ZNF91: variants seen among roughly 807,000 people sequenced by gnomAD.
ZNF91 encodes the protein zinc finger protein 91 (HPF7, HTF10).
Under a neutral mutation model 12.6 loss-of-function variants are expected in ZNF91, and 7 were observed. The ratio of observed to expected loss-of-function variants is 0.55; its 90% CI spans 0.31 to 1.04. The LOEUF is 1.04. ZNF91 is among the 50% of genes least tolerant of loss of function. ZNF91 has a pLI of 0.05. For missense variants in ZNF91, 1,217 were observed against 1,385.4 expected (o/e 0.88, Z 1.93); for synonymous variants, 453 against 462.6 (o/e 0.98, Z 0.27).
chr19:23,343,778 CTCGAGTGTTTT>C (rs1227250524), intron 3 of ZNF91, among the ~76,000 whole-genome samples: 1 of 152,192 alleles, frequency 6.6e-6, no homozygotes, highest in South Asian at 2.1e-4. Flanking sequence ...CCCACAATTC[CTCGAGTGTTTT>C]TCCAGCAACC....
At chr19:23,372,534 C>A (rs1199930823) in intron 3 of ZNF91, among the ~76,000 whole-genome samples, 3 of 151,888 alleles carry the variant, frequency 2.0e-5, no homozygotes, top group African/African-American at 4.8e-5. Context: ...CTCATTCAGG[C>A]AGCAAACTAC....
At chr19:23,366,003 A>G (rs1968992549) in intron 3 of ZNF91, among the ~76,000 whole-genome samples, 1 of 152,198 alleles carries the variant, frequency 6.6e-6, no homozygotes, top group Non-Finnish European at 1.5e-5. Context: ...CGATTTCTCA[A>G]TCTTTTCCCC....
chr19:23,323,226 CTCCT>C (rs1314578644), intron 1 of ZNF91, among the ~76,000 whole-genome samples: 2 of 147,212 alleles, frequency 1.4e-5, no homozygotes, highest in African/African-American at 2.5e-5. Flanking sequence ...TTTCCTTTCT[CTCCT>C]TCTTCTCCTC....
At chr19:23,330,510 T>C (rs919673819) in intron 1 of ZNF91, among the ~76,000 whole-genome samples, 1 of 152,302 alleles carries the variant, frequency 6.6e-6, no homozygotes, top group South Asian at 2.1e-4. Context: ...TCCTGACAGA[T>C]GTAACCTGAA....
At chr19:23,392,466 C>T (rs1327335984) in intron 1 of ZNF91, among the ~76,000 whole-genome samples, 1 of 150,322 alleles carries the variant, frequency 6.7e-6, no homozygotes, top group Non-Finnish European at 1.5e-5. Context: ...AGTTTCATCA[C>T]ATAAAATTTA....
chr19:23,360,532 T>C lies in ZNF91; in HGVS notation c.2447A>G (p.His816Arg). 2.5e-6 allele frequency: 4 copies of C among 1,614,026 alleles called. No homozygotes were observed. The highest frequency in any genetic ancestry group is 3.4e-6 in the Non-Finnish European group (4 of 1,179,978). Residue 816 changes from histidine (H) to arginine (R), a missense_variant, in exon 4 of 4, where the codon CAT becomes CGT. Coordinates refer to ENST00000300619, the MANE Select transcript of ZNF91 (RefSeq NM_003430.4). ...AFSRSSTLTKHKTIHTGEKPY... is the reference protein window; with the variant it reads ...AFSRSSTLTKRKTIHTGEKPY... The stretch of plus-strand genomic sequence containing the variant: ...TTTCTCTCCAGTATGAATTGTCTTA[T>C]GCTTAGTAAGGGTTGAGGAACGGCT...
At position 23,361,226 on chromosome 19, in the gene ZNF91, G is replaced by T. The variant is rs748344798; in HGVS notation, c.1753C>A (p.His585Asn). The T allele has an allele frequency of 1.1e-5, 17 of 1,612,848 alleles. No homozygotes were observed. In the East Asian group the frequency reaches 3.6e-4, roughly 34 times the overall value. The change falls in exon 4 of 4, where the codon CAT (histidine) becomes AAT (asparagine). Residue 585 changes from histidine to asparagine, a missense_variant. His to Asn is a moderately conservative substitution (Grantham distance 68). Coordinates refer to ENST00000300619, the MANE Select transcript of ZNF91 (RefSeq NM_003430.4). ...TTATGTGTAGAAAGACTTGAGGAAT[G>T]ATTAAAAGCTTTGCCACATTCTTCA... ...KCEECGKAFN[H>N]SSSLSTHKII... is the part of the protein sequence containing the mutation.
intron 1 of ZNF91, among the ~76,000 whole-genome samples, chr19:23,389,200 T>C (rs1015964583): frequency 3.9e-5 from 6 of 151,914 alleles, no homozygotes; most frequent in Non-Finnish European, 7.4e-5. Context: ...ACACTCCAGG[T>C]AGAAAGACTG....
intron 1 of ZNF91, chr19:23,380,445 G>A (rs1202073951): frequency 6.6e-6 from 1 of 152,034 alleles, no homozygotes; most frequent in Non-Finnish European, 1.5e-5. Context: ...TGGGTTTCCA[G>A]CATGCATCCA....
chr19:23,376,408 C>T (rs578010879), intron 1 of ZNF91, among the ~76,000 whole-genome samples: 6 of 148,338 alleles, frequency 4.0e-5, no homozygotes, highest in African/African-American at 1.2e-4. Context: ...TTTTTTGAGA[C>T]GGAGTTTTGC....
chr19:23,314,344 T>G (rs1427433183), upstream of ZNF91, among the ~76,000 whole-genome samples: 6 of 152,314 alleles, frequency 3.9e-5, no homozygotes, highest in East Asian at 1.2e-3. Flanking sequence ...ACTCTTCTTT[T>G]CTTCCTGGGC....
Position 23,360,114 on chromosome 19 carries a change from T to G in ZNF91, c.2865A>C (p.Thr955=). ...TCTCTCCAGTATGAATTATCTTATG[T>G]GTAGTAAGGGTTGAGGATTGGCTAA... ...KAFSQSSTLT[T]HKIIHTGEKP... The change falls in exon 4 of 4, where the codon ACA becomes ACC. Residue 955 remains threonine, a synonymous_variant. Transcript: ENST00000300619. 1 of 1,613,420 alleles carries G rather than the reference T, an allele frequency of 6.2e-7. No individual in the cohort carries two copies. The highest frequency in any genetic ancestry group is 8.5e-7 in the Non-Finnish European group (1 of 1,179,914).
At chr19:23,326,346 G>A (rs1967837148) in intron 1 of ZNF91, 1 of 152,108 alleles carries the variant, frequency 6.6e-6, no homozygotes, top group Non-Finnish European at 1.5e-5. Context: ...ACTTGTTTGA[G>A]AGGTGGAGTC....
intron 1 of ZNF91, among the ~76,000 whole-genome samples, chr19:23,383,077 C>CT (rs1969772562): frequency 6.6e-6 from 1 of 152,160 alleles, no homozygotes; most frequent in Non-Finnish European, 1.5e-5. Flanking sequence ...TCTTTGAACA[C>CT]TGATACAAAA....
Position 23,349,542 on chromosome 19 carries a change from C to T in ZNF91, c.254-10488G>A, listed in dbSNP as rs191982625. On this transcript the variant is annotated intron_variant, in intron 3 of 3. Coordinates refer to the ZNF91 transcript ENST00000599743. Reference sequence around the variant, plus strand: ...CAGACATGGTCTTTCATTCGTGAAGCGGCAAATGAGGCCATGCCCCTTCCT... The same window carrying T: ...CAGACATGGTCTTTCATTCGTGAAGTGGCAAATGAGGCCATGCCCCTTCCT... 6.1e-3 allele frequency among the ~76,000 whole-genome samples: 934 copies of T among 152,270 alleles called. 7 individuals carry two copies. Among genetic ancestry groups the T allele is most frequent in the South Asian group, 9.5e-3 (46 of 4,828 alleles).
chr19:23,348,125 G>GA (rs1568376143), intron 3 of ZNF91, among the ~76,000 whole-genome samples: 2 of 152,010 alleles, frequency 1.3e-5, no homozygotes, highest in East Asian at 3.9e-4. Context: ...AGGCAAAGTT[G>GA]AAAAAAATTA....
intron 3 of ZNF91, among the ~76,000 whole-genome samples, chr19:23,368,510 A>ATCTCTCTCTCTCTCTCTCTC (rs573590418): frequency 3.2e-5 from 3 of 94,274 alleles, no homozygotes; most frequent in Admixed American, 1.3e-4. Flanking sequence ...GCGAAACTCC[A>ATCTCTCTCTCTCTCTCTCTC]TCTCTCTCTC....
intron 1 of ZNF91, chr19:23,385,171 A>T: frequency 1.4e-6 from 1 of 698,482 alleles, no homozygotes; most frequent in South Asian, 1.7e-5. Flanking sequence ...CAAGCTCATC[A>T]AGGGAAAGAC....
chr19:23,389,573 T>C (rs940580047), intron 1 of ZNF91, among the ~76,000 whole-genome samples: 5 of 152,144 alleles, frequency 3.3e-5, no homozygotes, highest in African/African-American at 1.2e-4. Flanking sequence ...TCAGAGCTCC[T>C]TTCCTCTAAG....
Sources: allele counts gnomAD v4.1 joint callset (sites outside exome capture counted in the v4.1 genomes callset), GRCh38; gene constraint gnomAD v4.1.1; transcripts MANE v1.5; gene names NCBI Gene and HGNC (gene_info 2026-07-23, HGNC 2026-07-21).